CNBD1: variants seen among roughly 807,000 people sequenced by gnomAD.
CNBD1 encodes cyclic nucleotide-binding domain-containing protein 1.
CNBD1 carries 71 observed loss-of-function variants against 54.4 expected under a neutral mutation model. That is an observed-to-expected ratio of 1.30 (90% CI 1.08 to 1.59). CNBD1 has a LOEUF of 1.59. Among genes scored for constraint, CNBD1 ranks in the 40% most tolerant of loss-of-function variants. CNBD1 has a pLI of 0.00. For synonymous variants in CNBD1, 182 were observed against 170.7 expected, an observed-to-expected ratio of 1.07 and a Z score of -0.51; for missense variants, 659 against 518.0, an observed-to-expected ratio of 1.27 and a Z score of -2.64.
chr8:86,928,840 G>C (rs576790584), intron 3 of CNBD1, among the ~76,000 whole-genome samples: 3 of 152,302 alleles, frequency 2.0e-5, no homozygotes, highest in Admixed American at 2.0e-4. Context: ...TTGGCCATTT[G>C]ATGAGTGTTC....
intron 4 of CNBD1, among the ~76,000 whole-genome samples, chr8:87,019,315 A>C (rs1249947226): frequency 6.6e-6 from 1 of 152,232 alleles, no homozygotes; most frequent in Non-Finnish European, 1.5e-5. Context: ...TTAATTGGCT[A>C]TAAGTCTTTT....
chr8:87,352,323 T>C (rs1810316137), intron 9 of CNBD1, among the ~76,000 whole-genome samples: 1 of 151,582 alleles, frequency 6.6e-6, no homozygotes, highest in Non-Finnish European at 1.5e-5. Context: ...TACTAAAAAA[T>C]ACAAAAATTA....
intron 10 of CNBD1, among the ~76,000 whole-genome samples, chr8:87,366,814 G>A (rs1420770647): frequency 7.9e-5 from 12 of 152,022 alleles, no homozygotes; most frequent in Admixed American, 7.2e-4. Flanking sequence ...GGGGAGAAGA[G>A]GATGGCAAAC....
At chr8:86,941,158 A>C (rs539733747) in intron 4 of CNBD1, among the ~76,000 whole-genome samples, 17 of 152,320 alleles carry the variant, frequency 1.1e-4, no homozygotes, top group African/African-American at 4.1e-4. Context: ...TTATAATAAC[A>C]AAAAGGAAAC....
chr8:87,330,658 T>C (rs575073983), intron 8 of CNBD1, among the ~76,000 whole-genome samples: 34 of 152,272 alleles, frequency 2.2e-4, no homozygotes, highest in Admixed American at 1.8e-3. Context: ...AGAAATTGTA[T>C]GATTTCTTTT....
intron 2 of CNBD1, among the ~76,000 whole-genome samples, chr8:86,904,431 C>T (rs941731637): frequency 2.0e-5 from 3 of 152,006 alleles, no homozygotes; most frequent in African/African-American, 7.2e-5. Flanking sequence ...CTGAATCTTG[C>T]TTATTGGCAT....
chr8:87,280,971 A>G (rs956916913), intron 6 of CNBD1, among the ~76,000 whole-genome samples: 2 of 140,746 alleles, frequency 1.4e-5, no homozygotes, highest in African/African-American at 5.5e-5. Flanking sequence ...AATAGATGAT[A>G]TTTTCAAAAA....
At chr8:87,345,324 A>C (rs77023513) in intron 8 of CNBD1, among the ~76,000 whole-genome samples, 2,182 of 152,276 alleles carry the variant, frequency 0.014, 19 homozygotes, top group Middle Eastern at 0.051. Context: ...TACAATTCTT[A>C]TGTTATTTGA....
chr8:87,343,636 T>C (rs1217917356), intron 8 of CNBD1, among the ~76,000 whole-genome samples: 1 of 152,232 alleles, frequency 6.6e-6, no homozygotes, highest in Non-Finnish European at 1.5e-5. Context: ...CTTTTGTACA[T>C]TTTAACAAAG....
intron 4 of CNBD1, among the ~76,000 whole-genome samples, chr8:87,123,779 G>A (rs750467625): frequency 6.6e-6 from 1 of 151,388 alleles, no homozygotes; most frequent in Non-Finnish European, 1.5e-5. Context: ...ATTAAGTAGG[G>A]AAGAAAGATG....
intron 4 of CNBD1, among the ~76,000 whole-genome samples, chr8:87,186,913 A>C (rs936777016): frequency 6.6e-6 from 1 of 152,140 alleles, no homozygotes; most frequent in Non-Finnish European, 1.5e-5. Context: ...CTGTCGTAGC[A>C]TTAAATTTAG....
At chr8:87,006,029 G>A (rs1809091191) in intron 4 of CNBD1, among the ~76,000 whole-genome samples, 1 of 152,192 alleles carries the variant, frequency 6.6e-6, no homozygotes. Context: ...GAAAAGGGAG[G>A]AAACATGTCT....
intron 3 of CNBD1, among the ~76,000 whole-genome samples, chr8:86,935,620 T>G (rs1047450682): frequency 2.0e-5 from 3 of 152,120 alleles, no homozygotes; most frequent in African/African-American, 7.2e-5. Context: ...AATTTATGTC[T>G]GCCTTTTCTG....
intron 8 of CNBD1, among the ~76,000 whole-genome samples, chr8:87,321,011 T>A (rs552319856): frequency 6.6e-6 from 1 of 152,278 alleles, no homozygotes; most frequent in South Asian, 2.1e-4. Flanking sequence ...ATTCTCAAAC[T>A]GCATCCATGT....
intron 2 of CNBD1, among the ~76,000 whole-genome samples, chr8:86,899,248 T>C (rs1808895886): frequency 6.6e-6 from 1 of 152,122 alleles, no homozygotes; most frequent in Admixed American, 6.5e-5. Context: ...AGAGATCTAA[T>C]ATACGATATG....
chr8:87,065,003 A>G (rs1057272702), intron 4 of CNBD1, among the ~76,000 whole-genome samples: 18 of 151,972 alleles, frequency 1.2e-4, no homozygotes, highest in Admixed American at 1.3e-4. Context: ...CAATATGGCA[A>G]TAATTTTAAA....
intron 4 of CNBD1, among the ~76,000 whole-genome samples, chr8:87,052,219 T>C (rs540721506): frequency 6.6e-6 from 1 of 152,322 alleles, no homozygotes; most frequent in South Asian, 2.1e-4. Flanking sequence ...AAGGTGGCCA[T>C]GCTCAGGAGA....
chr8:87,235,453 G>C (rs966960696), intron 5 of CNBD1, among the ~76,000 whole-genome samples: 6 of 152,070 alleles, frequency 3.9e-5, no homozygotes, highest in Non-Finnish European at 8.8e-5. Context: ...GGATATTTTA[G>C]AGCTATTAAT....
chr8:87,337,923 C>T (rs770828334), intron 8 of CNBD1, among the ~76,000 whole-genome samples: 11 of 152,168 alleles, frequency 7.2e-5, no homozygotes, highest in Non-Finnish European at 1.0e-4. Context: ...CTTGACCCCA[C>T]CCACCAATAT....
Sources: gnomAD v4.1 joint callset for allele counts (sites outside exome capture counted in the v4.1 genomes callset) on GRCh38, gnomAD v4.1.1 for gene constraint, MANE v1.5 for transcripts, NCBI Gene and HGNC (gene_info 2026-07-23, HGNC 2026-07-21) for gene names.